COBL: variants seen among roughly 807,000 people sequenced by gnomAD.
The protein encoded by COBL is protein cordon-bleu.
Under a neutral mutation model 98.8 loss-of-function variants are expected in COBL, and 51 were observed. That is an observed-to-expected ratio of 0.52 (90% CI 0.41 to 0.65). COBL has a LOEUF of 0.65. COBL is among the 30% of genes least tolerant of loss of function. COBL has a pLI of 0.00. For synonymous variants in COBL, 634 were observed against 651.7 expected (o/e 0.97, Z 0.41); for missense variants, 1,617 against 1,617.5 (o/e 1.00, Z 0.01).
intron 1 of COBL, among the ~76,000 whole-genome samples, chr7:51,306,254 G>A (rs970832883): frequency 6.6e-6 from 1 of 152,126 alleles, no homozygotes; most frequent in African/African-American, 2.4e-5. Context: ...CTGGCCTCTA[G>A]AAGCCCCGAT....
chr7:51,248,524 G>A lies in COBL; in HGVS notation c.42-28580C>T, dbSNP rs569992100. Among the ~76,000 whole-genome samples the A allele has an allele frequency of 5.3e-5, 8 of 152,276 alleles. No homozygotes were observed. In the East Asian group the frequency reaches 1.4e-3, roughly 26 times the overall value. On this transcript the variant is annotated intron_variant, in intron 1 of 12. Coordinates refer to ENST00000265136, the MANE Select transcript of COBL (RefSeq NM_015198.5). The stretch of plus-strand genomic sequence containing the variant: ...TTCAGTTGGATGGTACAAGACGGAG[G>A]ATAGGGGTCTAAAAATGTGTATTTT...
At chr7:51,126,093 C>T (rs1798178203) in intron 6 of COBL, among the ~76,000 whole-genome samples, 2 of 152,088 alleles carry the variant, frequency 1.3e-5, no homozygotes, top group South Asian at 4.1e-4. Context: ...TCTGGGAGGC[C>T]GAGGTGAACA....
chr7:51,111,380 T>A (rs997785566), intron 6 of COBL, among the ~76,000 whole-genome samples: 1 of 152,170 alleles, frequency 6.6e-6, no homozygotes, highest in African/African-American at 2.4e-5. Context: ...GCCTTTTACA[T>A]ACTACAAGAG....
At chr7:51,163,216 C>G (rs527706259) in intron 5 of COBL, among the ~76,000 whole-genome samples, 1 of 152,198 alleles carries the variant, frequency 6.6e-6, no homozygotes, top group South Asian at 2.1e-4. Flanking sequence ...AATGTGCAGA[C>G]TAGGATCAAT....
intron 1 of COBL, among the ~76,000 whole-genome samples, chr7:51,240,376 TACTCA>T (rs1453832380): frequency 1.3e-5 from 2 of 152,240 alleles, no homozygotes; most frequent in Admixed American, 6.5e-5. Context: ...CACTTTGCTT[TACTCA>T]TTGTAAGTGA....
intron 5 of COBL, among the ~76,000 whole-genome samples, chr7:51,164,032 T>C (rs73697820): frequency 0.067 from 10,153 of 152,262 alleles, 385 homozygotes; most frequent in Middle Eastern, 0.14. Context: ...GCCAATCCCA[T>C]AGGTGATGAA....
At chr7:51,085,058 G>T (rs1042586739) in intron 7 of COBL, 108 bp downstream of exon 7, 89 of 1,503,056 alleles carry the variant, frequency 5.9e-5, no homozygotes, top group Non-Finnish European at 7.8e-5. Context: ...ATATTTTTTG[G>T]GTTAATGTCA....
chr7:51,262,753 T>A (rs1400788448), intron 1 of COBL, among the ~76,000 whole-genome samples: 3 of 152,164 alleles, frequency 2.0e-5, no homozygotes, highest in Non-Finnish European at 4.4e-5. Flanking sequence ...CCCAGGGCAG[T>A]CTCAGTGGCT....
Position 51,025,327 on chromosome 7 carries a change from C to G in COBL, c.3550G>C (p.Ala1184Pro), listed in dbSNP as rs139118175. ...CTTTCCGAGCCCTGAGCAGAGAGTGCGGCATCTCGGAAGCTCTGGAGCTCC... is the reference window on the plus strand; with the variant it reads ...CTTTCCGAGCCCTGAGCAGAGAGTGGGGCATCTCGGAAGCTCTGGAGCTCC... ...SEELQSFRDA[A>P]LSAQGSESPL... The change falls in exon 12 of 13, where the codon GCA (alanine) becomes CCA (proline). Residue 1184 changes from alanine (A) to proline (P), a missense_variant. Around this residue, in one of 3 missense-constraint regions of COBL, gnomAD observed 1,304 missense variants for 1,282.0 expected, o/e 1.02. Coordinates refer to ENST00000265136, the MANE Select transcript of COBL (RefSeq NM_015198.5). The G allele has an allele frequency of 3.7e-6, 6 of 1,613,226 alleles. No homozygotes were observed. In the African/African-American group the frequency reaches 6.7e-5, roughly 18 times the overall value.
chr7:51,027,589 G>T, intron 10 of COBL, 123 bp downstream of exon 10: 1 of 795,418 alleles, frequency 1.3e-6, no homozygotes, highest in East Asian at 2.6e-5. Flanking sequence ...AAACCTGTGT[G>T]GTAAGCCTCA....
intron 7 of COBL, among the ~76,000 whole-genome samples, chr7:51,046,911 C>T (rs138040540): frequency 2.1e-4 from 32 of 152,262 alleles, no homozygotes; most frequent in Admixed American, 5.2e-4. Context: ...TTGGCTCTGA[C>T]GGGCTCTAAA....
chr7:51,209,058 A>AC (rs1485792945), intron 2 of COBL, among the ~76,000 whole-genome samples: 10 of 122,664 alleles, frequency 8.2e-5, no homozygotes, highest in South Asian at 2.7e-4. Context: ...AAAAAAAAAA[A>AC]AAAAAAAAAA....
At chr7:51,207,865 T>C (rs1791921256) in intron 2 of COBL, among the ~76,000 whole-genome samples, 1 of 152,062 alleles carries the variant, frequency 6.6e-6, no homozygotes, top group Non-Finnish European at 1.5e-5. Context: ...GTCTGGGAAG[T>C]GAGGAGCGTC....
intron 2 of COBL, among the ~76,000 whole-genome samples, chr7:51,214,426 A>G (rs1277389103): frequency 2.0e-5 from 3 of 152,210 alleles, no homozygotes; most frequent in Non-Finnish European, 4.4e-5. Context: ...TTACCTGGAC[A>G]GGTGTGAACA....
At chr7:51,275,310 C>G (rs1469935376) in intron 1 of COBL, among the ~76,000 whole-genome samples, 2 of 152,182 alleles carry the variant, frequency 1.3e-5, no homozygotes, top group African/African-American at 4.8e-5. Context: ...TTTTGAGGCA[C>G]AAGTCCCCTC....
chr7:51,064,511 A>G, intron 7 of COBL: 1 of 152,260 alleles, frequency 6.6e-6, no homozygotes, highest in Non-Finnish European at 1.5e-5. Context: ...CTTGAAAGAT[A>G]TTTAGCTTTA....
At chr7:51,018,819 G>T (rs959386463) in intron 12 of COBL, among the ~76,000 whole-genome samples, 3 of 147,396 alleles carry the variant, frequency 2.0e-5, no homozygotes, top group East Asian at 2.0e-4. Flanking sequence ...TTGAACCCGG[G>T]AGGTAGAGGT....
chr7:51,209,056 A>AC (rs1202796538), intron 2 of COBL, among the ~76,000 whole-genome samples: 7 of 117,706 alleles, frequency 5.9e-5, no homozygotes, highest in Non-Finnish European at 9.5e-5. Context: ...TAAAAAAAAA[A>AC]AAAAAAAAAA....
intron 5 of COBL, among the ~76,000 whole-genome samples, chr7:51,145,171 C>T (rs1257905663): frequency 2.0e-5 from 3 of 151,830 alleles, no homozygotes; most frequent in Non-Finnish European, 2.9e-5. Flanking sequence ...CCCACCATCA[C>T]GCCCAACTAA....
Sources: allele counts gnomAD v4.1 joint callset (sites outside exome capture counted in the v4.1 genomes callset), GRCh38; gene constraint gnomAD v4.1.1; regional missense constraint gnomAD v4.1.1; transcripts MANE v1.5; gene names NCBI Gene and HGNC (gene_info 2026-07-23, HGNC 2026-07-21).